MAP4: variants seen among roughly 807,000 people sequenced by gnomAD.
MAP4 encodes the protein microtubule-associated protein 4.
Under a neutral mutation model 170.2 loss-of-function variants are expected in MAP4, and 76 were observed. That is an observed-to-expected ratio of 0.45 (90% confidence interval 0.37 to 0.54). MAP4 has a LOEUF of 0.54. MAP4 is among the 20% of genes least tolerant of loss of function. The pLI, the probability that MAP4 is intolerant of heterozygous loss-of-function variation, is 0.00. For synonymous variants in MAP4, 909 were observed against 994.5 expected, an observed-to-expected ratio of 0.91 and a Z score of 1.62; for missense variants, 2,506 against 2,748.0, an observed-to-expected ratio of 0.91 and a Z score of 1.97.
chr3:47,944,903 G>A (rs2100058751), intron 3 of MAP4, among the ~76,000 whole-genome samples: 1 of 150,878 alleles, frequency 6.6e-6, no homozygotes, highest in African/African-American at 2.4e-5. Flanking sequence ...CTAGGGAACC[G>A]GTGTGTGTTT....
intron 1 of MAP4, among the ~76,000 whole-genome samples, chr3:48,015,985 C>A (rs1159693419): frequency 6.6e-6 from 1 of 152,152 alleles, no homozygotes; most frequent in African/African-American, 2.4e-5. Flanking sequence ...CTACACAGTT[C>A]AAGGACAACA....
At chr3:47,870,691 C>G in intron 15 of MAP4, 122 bp downstream of exon 15, 2 of 1,051,140 alleles carry the variant, frequency 1.9e-6, no homozygotes, top group Non-Finnish European at 2.6e-6. Context: ...GGCTGAAATA[C>G]CCTGATGCTG....
chr3:47,951,430 G>C (rs1050956128), intron 3 of MAP4, among the ~76,000 whole-genome samples: 3 of 151,982 alleles, frequency 2.0e-5, no homozygotes, highest in South Asian at 2.1e-4. Flanking sequence ...CTGCCATCTC[G>C]GCTCACTGCA....
intron 17 of MAP4, among the ~76,000 whole-genome samples, chr3:47,864,768 G>A (rs544135700): frequency 6.1e-4 from 93 of 152,360 alleles, no homozygotes; most frequent in Non-Finnish European, 1.2e-3. Flanking sequence ...TCGGGAAGCT[G>A]ACGAAGGAGA....
At chr3:47,978,722 C>T (rs1578675573) in intron 2 of MAP4, among the ~76,000 whole-genome samples, 1 of 150,136 alleles carries the variant, frequency 6.7e-6, no homozygotes, top group Non-Finnish European at 1.5e-5. Context: ...TTTCTGGAAG[C>T]AGAGGACTCC....
chr3:47,896,422 G>A (rs1301272774), intron 10 of MAP4, among the ~76,000 whole-genome samples: 4 of 152,026 alleles, frequency 2.6e-5, no homozygotes, highest in African/African-American at 4.8e-5. Flanking sequence ...CCAGCTACTC[G>A]GGAGGCTGAG....
At chr3:47,878,562 C>CA (rs1370322564) in intron 10 of MAP4, among the ~76,000 whole-genome samples, 1 of 152,024 alleles carries the variant, frequency 6.6e-6, no homozygotes, top group Non-Finnish European at 1.5e-5. Context: ...TTTTTTGAGA[C>CA]AAAGTCTTGA....
At chr3:47,964,473 G>A (rs908777057) in intron 3 of MAP4, among the ~76,000 whole-genome samples, 1 of 152,192 alleles carries the variant, frequency 6.6e-6, no homozygotes, top group African/African-American at 2.4e-5. Context: ...GAGATGGGGA[G>A]GCAGGTGGTT....
At chr3:48,088,593 G>A (rs1004101317) in intron 1 of MAP4, among the ~76,000 whole-genome samples, 3 of 151,074 alleles carry the variant, frequency 2.0e-5, no homozygotes, top group Admixed American at 6.6e-5. Context: ...AAAGCCGCCA[G>A]CCCCCCGCCT....
rs2100047088 is a variant in MAP4 at position 47,928,086 on chromosome 3, A to T, written c.415+142T>A. 5.3e-6 allele frequency: 5 copies of T among 940,550 alleles called. No homozygotes were observed. The East Asian group carries it at 1.1e-4, about 20-fold the overall frequency. The allele number at this position is 940,550 out of a possible 1,614,324, so 58.3% of individuals were successfully genotyped here. On this transcript the variant is annotated intron_variant, in intron 4 of 20. Transcript: ENST00000683076. ...TCTCAAAGGAAAGGATAAATGAAGA[A>T]GAGAAAGGGACAAACCAATGCTAAG... is the stretch of plus-strand genomic sequence containing the variant.
intron 3 of MAP4, among the ~76,000 whole-genome samples, chr3:47,941,364 G>A (rs1242482746): frequency 6.6e-6 from 1 of 151,746 alleles, no homozygotes; most frequent in Admixed American, 6.6e-5. Flanking sequence ...ACATATTTGT[G>A]TGAAATGGAT....
At chr3:48,068,701 T>C (rs2100139552) in intron 1 of MAP4, among the ~76,000 whole-genome samples, 1 of 152,144 alleles carries the variant, frequency 6.6e-6, no homozygotes, top group Non-Finnish European at 1.5e-5. Context: ...GGAGAATCGC[T>C]TGAACCCAGG....
intron 5 of MAP4, among the ~76,000 whole-genome samples, chr3:47,921,471 A>G (rs1031809157): frequency 1.3e-5 from 2 of 152,032 alleles, no homozygotes; most frequent in African/African-American, 4.8e-5. Flanking sequence ...GTCTCCCACA[A>G]TTTGCGGCCC....
rs1292276837 is a variant in MAP4 at position 47,872,025 on chromosome 3, C to T, written c.5833G>A (p.Gly1945Arg). 1 of 1,614,078 alleles carries T rather than the reference C, an allele frequency of 6.2e-7. No individual in the cohort carries two copies. The highest frequency in any genetic ancestry group is 8.5e-7 in the Non-Finnish European group (1 of 1,179,998). ...KPASAPASRS[G>R]SKSTQTVAKT... ...GCAACAGTCTGAGTGCTCTTGGACC[C>T]AGATCTGGAGGCTGGGGCAGAAGCT... The change falls in exon 13 of 21, where the codon GGG becomes AGG. Residue 1945 changes from glycine to arginine, a missense_variant. Around this residue, in one of 3 missense-constraint regions of MAP4, gnomAD observed 487 missense variants for 511.6 expected, o/e 0.95. Coordinates refer to ENST00000683076, the MANE Select transcript of MAP4 (RefSeq NM_001385682.1).
chr3:47,957,521 C>G (rs1490666734), intron 3 of MAP4, among the ~76,000 whole-genome samples: 1 of 152,142 alleles, frequency 6.6e-6, no homozygotes, highest in Non-Finnish European at 1.5e-5. Flanking sequence ...CTATGTTACC[C>G]AGGCTGGTCT....
At chr3:48,032,286 G>T (rs1559825436) in intron 1 of MAP4, among the ~76,000 whole-genome samples, 1 of 152,086 alleles carries the variant, frequency 6.6e-6, no homozygotes, top group Non-Finnish European at 1.5e-5. Flanking sequence ...ATTGAGGTCA[G>T]GAGTTCGCGA....
At chr3:47,921,992 G>C in intron 4 of MAP4, 114 bp from the exon 5 acceptor site, 1 of 609,750 alleles carries the variant, frequency 1.6e-6, no homozygotes, top group Non-Finnish European at 2.9e-6. Context: ...CTGTTGCCAA[G>C]GCTGGAGTGC....
intron 3 of MAP4, among the ~76,000 whole-genome samples, chr3:47,959,353 G>C (rs1262622826): frequency 2.0e-5 from 3 of 152,066 alleles, no homozygotes; most frequent in Admixed American, 6.6e-5. Context: ...AGCTACTTGG[G>C]AGGCTGAGAG....
intron 3 of MAP4, among the ~76,000 whole-genome samples, chr3:47,952,041 G>C (rs202025805): frequency 4.1e-4 from 41 of 99,084 alleles, no homozygotes; most frequent in Admixed American, 8.1e-4. Context: ...GCCCGGCCGC[G>C]ACCCCGTCTG....
Sources: allele counts gnomAD v4.1 joint callset (sites outside exome capture counted in the v4.1 genomes callset), GRCh38; gene constraint gnomAD v4.1.1; regional missense constraint gnomAD v4.1.1; transcripts MANE v1.5; gene names NCBI Gene and HGNC (gene_info 2026-07-23, HGNC 2026-07-21).